PRDM16: variants seen among roughly 807,000 people sequenced by gnomAD.
PRDM16 encodes the protein PR/SET domain 16.
In PRDM16, 23 loss-of-function variants were observed where a neutral mutation model predicts 110.6. The observed-to-expected ratio is 0.21, with a 90% CI of 0.15 to 0.29. The LOEUF (loss-of-function observed/expected upper bound fraction) is 0.29. PRDM16 is among the 10% of genes least tolerant of loss of function. The pLI, the probability that PRDM16 is intolerant of heterozygous loss-of-function variation, is 1.00. For missense variants in PRDM16, 1,615 were observed against 1,794.3 expected, an observed-to-expected ratio of 0.90 and a Z score of 1.81; for synonymous variants, 799 against 781.8, an observed-to-expected ratio of 1.02 and a Z score of -0.37.
rs569197448 is a variant in PRDM16 at position 3,255,650 on chromosome 1, G to A, written c.438+11513G>A. ...ACTTAGCTGCTGTGGGCAAGCAGCA[G>A]GGCTTGGTCCACCCTGGCGGTTGGG... is the stretch of plus-strand genomic sequence containing the variant. On this transcript the variant is annotated intron_variant, in intron 3 of 16. Transcript: ENST00000270722. This position sits in a 1 kb window ranked among gnomAD's most constrained non-coding sequence, Gnocchi z 4.7. Among the ~76,000 whole-genome samples the A allele has an allele frequency of 4.3e-4, 66 of 152,352 alleles. No individual in the cohort carries two copies. Among genetic ancestry groups the A allele is most frequent in the African/African-American group, 1.5e-3 (64 of 41,586 alleles).
At chr1:3,241,997 C>T (rs1639685289) in intron 2 of PRDM16, among the ~76,000 whole-genome samples, 1 of 152,170 alleles carries the variant, frequency 6.6e-6, no homozygotes. Context: ...TGGGAGTGAT[C>T]GTGGGGGTGT....
At chr1:3,349,172 G>A (rs577118702) in intron 3 of PRDM16, among the ~76,000 whole-genome samples, 5 of 152,334 alleles carry the variant, frequency 3.3e-5, no homozygotes, top group Admixed American at 2.6e-4. Flanking sequence ...CCCCACCTCC[G>A]TCCGCATAGT....
intron 1 of PRDM16, among the ~76,000 whole-genome samples, chr1:3,089,363 C>T (rs1642222032): frequency 6.6e-6 from 1 of 152,236 alleles, no homozygotes; most frequent in African/African-American, 2.4e-5. Context: ...GGCTGTGACC[C>T]CATGCAACAC....
chr1:3,187,535 TCAGA>T (rs1644284673), intron 2 of PRDM16, among the ~76,000 whole-genome samples: 2 of 152,158 alleles, frequency 1.3e-5, no homozygotes, highest in African/African-American at 4.8e-5. Context: ...CTGCCCCAAC[TCAGA>T]CAGGCCGTGG....
intron 8 of PRDM16, among the ~76,000 whole-genome samples, chr1:3,405,863 CCCGT>C (rs975637014): frequency 2.0e-5 from 3 of 152,238 alleles, no homozygotes; most frequent in Non-Finnish European, 4.4e-5. Flanking sequence ...CCTTCCCCAT[CCCGT>C]CCTCCTCCAC....
rs527687825 is a variant in PRDM16, at chr1:3,194,044, G to A, written c.387+7570G>A. ...GAGATCCTAATTTACGGCCTGGGCC[G>A]AGAGCAGCTGACCTAGATAGGAGGA... On this transcript the variant is annotated intron_variant, in intron 2 of 16. Coordinates refer to ENST00000270722, the MANE Select transcript of PRDM16 (RefSeq NM_022114.4). Among the ~76,000 whole-genome samples the A allele has an allele frequency of 4.6e-5, 7 of 152,352 alleles. No individual in the cohort carries two copies. In the East Asian group the frequency reaches 5.8e-4, roughly 13 times the overall value.
chr1:3,294,784 A>G (rs1641049659), intron 3 of PRDM16, among the ~76,000 whole-genome samples: 1 of 152,344 alleles, frequency 6.6e-6, no homozygotes, highest in Non-Finnish European at 1.5e-5. Flanking sequence ...AGAATCAAAC[A>G]CAAACCAAGC....
intron 3 of PRDM16, among the ~76,000 whole-genome samples, chr1:3,272,990 G>A (rs1213403452): frequency 1.3e-5 from 2 of 152,240 alleles, no homozygotes; most frequent in Admixed American, 6.5e-5. Context: ...GTCCTGGGGG[G>A]CTTACCTGAG....
intron 1 of PRDM16, among the ~76,000 whole-genome samples, chr1:3,169,929 G>A (rs533684822): frequency 3.9e-5 from 6 of 152,378 alleles, no homozygotes; most frequent in East Asian, 3.9e-4. Flanking sequence ...ACCGCGGCCC[G>A]CGCGCTCCGA....
At position 3,102,931 on chromosome 1, in the gene PRDM16, G is replaced by C. The variant is rs577212687; in HGVS notation, c.37+33635G>C. Reference sequence around the variant, plus strand: ...CTCAGGGTCACCTGACAGCCCCGGTGATGTGAGTCTGAATGTATCATTTCC... The same window carrying C: ...CTCAGGGTCACCTGACAGCCCCGGTCATGTGAGTCTGAATGTATCATTTCC... On this transcript the variant is annotated intron_variant, in intron 1 of 16. Transcript: ENST00000270722. 9.2e-5 allele frequency among the ~76,000 whole-genome samples: 14 copies of C among 152,310 alleles called. No individual in the cohort carries two copies. In the South Asian group the frequency reaches 2.9e-3, roughly 32 times the overall value.
chr1:3,236,021 C>T (rs930222216), intron 2 of PRDM16, among the ~76,000 whole-genome samples: 8 of 152,172 alleles, frequency 5.3e-5, no homozygotes, highest in Admixed American at 3.9e-4. Context: ...GTAACCTGCA[C>T]TCTCTCCTCT....
rs1383943359 is a variant in PRDM16 at position 3,080,235 on chromosome 1, C to T, written c.37+10939C>T. Among the ~76,000 whole-genome samples, 5 of 152,194 alleles carry T rather than the reference C, an allele frequency of 3.3e-5. No individual in the cohort carries two copies. The highest frequency in any genetic ancestry group is 9.7e-5 in the African/African-American group (4 of 41,448). On this transcript the variant is annotated intron_variant, in intron 1 of 16. Coordinates refer to ENST00000270722, the MANE Select transcript of PRDM16 (RefSeq NM_022114.4). This position sits in a 1 kb window ranked among gnomAD's most constrained non-coding sequence, Gnocchi z 5.2. ...GTCAGGTTCCCAGATAATGATGTGTCTGTGTGTGAAAATATTAAATTGCAA... is the reference window on the plus strand; with the variant it reads ...GTCAGGTTCCCAGATAATGATGTGTTTGTGTGTGAAAATATTAAATTGCAA...
At position 3,390,824 on chromosome 1, in the gene PRDM16, C is replaced by A. The variant is rs1643287010; in HGVS notation, c.573+5538C>A. ...GTTCATATTCCCTTTGCTTTTATCT[C>A]TCACAGTGTGTTTTTTTTTTTTTTT... On this transcript the variant is annotated intron_variant, in intron 4 of 16. Coordinates refer to ENST00000270722, the MANE Select transcript of PRDM16 (RefSeq NM_022114.4). The surrounding 1 kb of genome is among the most constrained non-coding windows in gnomAD (Gnocchi z 5.0). Among the ~76,000 whole-genome samples, 1 of 147,902 alleles carries A rather than the reference C, an allele frequency of 6.8e-6. No homozygotes were observed. Among genetic ancestry groups the A allele is most frequent in the African/African-American group, 2.5e-5 (1 of 40,194 alleles).
intron 3 of PRDM16, among the ~76,000 whole-genome samples, chr1:3,367,611 C>T (rs1177618121): frequency 1.3e-5 from 2 of 152,204 alleles, no homozygotes; most frequent in Non-Finnish European, 2.9e-5. Flanking sequence ...TCCAAAAACA[C>T]GTGCGGTCCT....
At chr1:3,432,387 G>C (rs1051068758) in intron 16 of PRDM16, among the ~76,000 whole-genome samples, 5 of 152,192 alleles carry the variant, frequency 3.3e-5, no homozygotes, top group East Asian at 1.9e-4. Context: ...TCATGGACAC[G>C]GGCAGCTCAC....
At chr1:3,151,287 C>T (rs1643771347) in intron 1 of PRDM16, among the ~76,000 whole-genome samples, 1 of 152,362 alleles carries the variant, frequency 6.6e-6, no homozygotes, top group South Asian at 2.1e-4. Flanking sequence ...AGAGTCCAGA[C>T]AGAAGTGGGG....
At chr1:3,111,240 G>A (rs1246639977) in intron 1 of PRDM16, among the ~76,000 whole-genome samples, 2 of 152,162 alleles carry the variant, frequency 1.3e-5, no homozygotes, top group Non-Finnish European at 2.9e-5. Flanking sequence ...TGGGAGACGC[G>A]GAGAGAAGGG....
At chr1:3,410,016 G>T (rs1249574048) in intron 8 of PRDM16, among the ~76,000 whole-genome samples, 1 of 141,514 alleles carries the variant, frequency 7.1e-6, no homozygotes, top group African/African-American at 2.7e-5. Flanking sequence ...ATGTGTGTGT[G>T]CTGTGTGTGC....
chr1:3,227,746 A>C (rs1014571897), intron 2 of PRDM16, among the ~76,000 whole-genome samples: 2 of 150,084 alleles, frequency 1.3e-5, no homozygotes, highest in African/African-American at 5.1e-5. Flanking sequence ...CTCCTCTTCA[A>C]ATATCAGAAG....
Sources: allele counts gnomAD v4.1 joint callset (sites outside exome capture counted in the v4.1 genomes callset), GRCh38; gene constraint gnomAD v4.1.1; non-coding constraint Gnocchi (gnomAD v3.1); transcripts MANE v1.5; gene names NCBI Gene and HGNC (gene_info 2026-07-23, HGNC 2026-07-21).